ZC3HAV1: variants seen among roughly 807,000 people sequenced by gnomAD.
ZC3HAV1 encodes the protein zinc finger CCCH-type antiviral protein 1.
Under a neutral mutation model 86.6 loss-of-function variants are expected in ZC3HAV1, and 41 were observed. The observed-to-expected ratio is 0.47, with a 90% CI of 0.37 to 0.61. The LOEUF is 0.61. Among genes scored for constraint, ZC3HAV1 ranks in the 20% least tolerant of loss-of-function variants. ZC3HAV1 has a pLI of 0.00. For missense variants in ZC3HAV1, 964 were observed against 1,141.1 expected, an observed-to-expected ratio of 0.84 and a Z score of 2.24; for synonymous variants, 421 against 432.1, an observed-to-expected ratio of 0.97 and a Z score of 0.32.
intron 1 of ZC3HAV1, among the ~76,000 whole-genome samples, chr7:139,098,278 T>C (rs1303753494): frequency 6.6e-6 from 1 of 152,112 alleles, no homozygotes; most frequent in Non-Finnish European, 1.5e-5. Flanking sequence ...TGTATGTAAA[T>C]CATACCTCAA....
At chr7:139,090,308 G>A (rs1043121846) in intron 1 of ZC3HAV1, among the ~76,000 whole-genome samples, 3 of 151,998 alleles carry the variant, frequency 2.0e-5, no homozygotes, top group African/African-American at 7.3e-5. Flanking sequence ...TCCTTAGTGT[G>A]CTTAACTATT....
chr7:139,057,742 G>A lies in ZC3HAV1; in HGVS notation c.2097-2447C>T, dbSNP rs1177933993. 2.3e-4 allele frequency among the ~76,000 whole-genome samples: 7 copies of A among 30,038 alleles called. 2 individuals are homozygous for A. Among genetic ancestry groups the A allele is most frequent in the Non-Finnish European group, 3.7e-4 (6 of 16,142 alleles). 19.7% of individuals were successfully genotyped at this position (30,038 alleles called of 152,430 possible). The stretch of plus-strand genomic sequence containing the variant: ...TTTTTAGTAGAGATGGGGTTTCACC[G>A]TGTTAGCCAGGATGGTCTCGATCTC... On this transcript the variant is annotated intron_variant, in intron 9 of 12. Transcript: ENST00000242351.
At chr7:139,097,428 A>ATATTTTTTTTTTTTTTTTTT in intron 1 of ZC3HAV1, among the ~76,000 whole-genome samples, 2 of 48,158 alleles carry the variant, frequency 4.2e-5, no homozygotes, top group African/African-American at 1.1e-4. Flanking sequence ...ATATATATAT[A>ATATTTTTTTTTTTTTTTTTT]TTTTTTTTTT....
intron 10 of ZC3HAV1, among the ~76,000 whole-genome samples, chr7:139,054,849 G>A (rs1011412049): frequency 2.6e-5 from 4 of 152,104 alleles, no homozygotes; most frequent in African/African-American, 7.2e-5. Flanking sequence ...GTGCAGTGGC[G>A]CGATCTCGGC....
At chr7:139,102,446 G>T (rs528966547) in intron 1 of ZC3HAV1, among the ~76,000 whole-genome samples, 3 of 152,248 alleles carry the variant, frequency 2.0e-5, no homozygotes, top group East Asian at 1.9e-4. Context: ...TTAATAATAA[G>T]AAGATCAATA....
intron 7 of ZC3HAV1, among the ~76,000 whole-genome samples, chr7:139,069,478 A>G (rs913113650): frequency 2.0e-5 from 3 of 152,088 alleles, no homozygotes; most frequent in Non-Finnish European, 4.4e-5. Flanking sequence ...AAGCTTAGCT[A>G]CTTTGCTGGT....
chr7:139,073,752 A>G, intron 7 of ZC3HAV1, 104 bp downstream of exon 7: 28 of 1,215,136 alleles, frequency 2.3e-5, no homozygotes, highest in Non-Finnish European at 3.1e-5. Context: ...CAGCCTCCCA[A>G]AGTGCTGGGC....
intron 4 of ZC3HAV1, among the ~76,000 whole-genome samples, chr7:139,078,855 G>A (rs1409868719): frequency 6.6e-6 from 1 of 152,166 alleles, no homozygotes; most frequent in East Asian, 1.9e-4. Flanking sequence ...TGAAAGCTAT[G>A]TTTATTTCTT....
In ZC3HAV1 at chr7:139,079,745, G is replaced by A. The variant is rs1481596670; in HGVS notation, c.1196C>T (p.Thr399Ile). ...GSLQTPEAVT[T>I]RKGTGLLSSD... ...GGAAAGCAAGCCTGTGCCCTTTCTG[G>A]TGGTCACAGCTTCAGGTGTTTGCAG... Residue 399 changes from threonine (T) to isoleucine (I), a missense_variant, in exon 4 of 13, where the codon ACC (threonine) becomes ATC (isoleucine). Physicochemically the swap from Thr to Ile is moderately conservative, Grantham distance 89 (BLOSUM62 -1). Transcript: ENST00000242351. 4.3e-6 allele frequency: 7 copies of A among 1,614,186 alleles called. No homozygotes were observed. The highest frequency in any genetic ancestry group is 5.9e-6 in the Non-Finnish European group (7 of 1,180,034).
chr7:139,101,362 G>A (rs1817756453), intron 1 of ZC3HAV1, among the ~76,000 whole-genome samples: 1 of 145,572 alleles, frequency 6.9e-6, no homozygotes. Context: ...AGTGAGGAGC[G>A]CCTCTTCCCG....
intron 9 of ZC3HAV1, among the ~76,000 whole-genome samples, chr7:139,056,385 T>G (rs1816282264): frequency 7.1e-6 from 1 of 141,118 alleles, no homozygotes; most frequent in South Asian, 2.3e-4. Flanking sequence ...TATTGTTTTT[T>G]TTTTTTCCTT....
Position 139,064,947 on chromosome 7 carries a change from T to C in ZC3HAV1, c.1925A>G (p.Tyr642Cys). 2 of 1,614,192 alleles carry C rather than the reference T, an allele frequency of 1.2e-6. No homozygotes were observed. The highest frequency in any genetic ancestry group is 1.7e-6 in the Non-Finnish European group (2 of 1,180,036). The part of the protein sequence containing the change: ...NVDSSYLESL[Y>C]QSCPRGVVPF... ...CACAACTCCCCTCGGACAGGATTGA[T>C]AGAGAGACTCCAGGTATGAAGAGTC... is the stretch of plus-strand genomic sequence containing the variant. The change falls in exon 8 of 13, where the codon TAT (tyrosine) becomes TGT (cysteine). Residue 642 changes from tyrosine (Y) to cysteine (C), a missense_variant. Transcript: ENST00000242351.
At chr7:139,085,119 T>C (rs1817237878) in intron 2 of ZC3HAV1, among the ~76,000 whole-genome samples, 1 of 152,166 alleles carries the variant, frequency 6.6e-6, no homozygotes, top group East Asian at 1.9e-4. Flanking sequence ...GAAATGCAAA[T>C]CTTCAGGCAC....
chr7:139,104,744 A>AAAG (rs1817878813), intron 1 of ZC3HAV1, among the ~76,000 whole-genome samples: 1 of 128,982 alleles, frequency 7.8e-6, no homozygotes, highest in Non-Finnish European at 1.6e-5. Context: ...AAAAAAAAAA[A>AAAG]AAGTCAAACA....
chr7:139,074,346 C>A (rs1816872455), intron 6 of ZC3HAV1, among the ~76,000 whole-genome samples: 1 of 152,160 alleles, frequency 6.6e-6, no homozygotes, highest in Non-Finnish European at 1.5e-5. Flanking sequence ...GCATTTGGTC[C>A]ATTTTTAAAA....
chr7:139,081,575 T>C (rs931644043), intron 3 of ZC3HAV1, among the ~76,000 whole-genome samples: 2 of 152,210 alleles, frequency 1.3e-5, no homozygotes, highest in African/African-American at 2.4e-5. Flanking sequence ...TCTGCTACTT[T>C]CTAGTGATGT....
In ZC3HAV1 at chr7:139,076,246, T is replaced by C. The variant is rs78403182; in HGVS notation, c.1697+40A>G. ...TAGCACTAATGCTTCCCTTTGATAA[T>C]GTTGGACTCTTGAAAGCCAGAGTAC... On this transcript the variant is annotated intron_variant, in intron 6 of 12. Transcript: ENST00000242351. The C allele has an allele frequency of 2.8e-3, 4,467 of 1,613,868 alleles. 114 individuals carry two copies. The African/African-American group carries it at 0.052, about 19-fold the overall frequency.
At chr7:139,081,952 A>G (rs1817138631) in intron 3 of ZC3HAV1, among the ~76,000 whole-genome samples, 1 of 152,202 alleles carries the variant, frequency 6.6e-6, no homozygotes, top group Non-Finnish European at 1.5e-5. Context: ...CCATTATATA[A>G]TATGAAAATG....
At position 139,053,446 on chromosome 7, in the gene ZC3HAV1, C is replaced by T; in HGVS notation, c.2449+5G>A. The T allele has an allele frequency of 2.5e-6, 4 of 1,582,662 alleles. No homozygotes were observed. The highest frequency in any genetic ancestry group is 3.4e-6 in the Non-Finnish European group (4 of 1,166,390). On this transcript the variant is annotated splice_donor_5th_base_variant and intron_variant, in intron 12 of 12. Coordinates refer to ENST00000242351, the MANE Select transcript of ZC3HAV1 (RefSeq NM_020119.4). The stretch of plus-strand genomic sequence containing the variant: ...CTAGTTACGCTTCTCTATCCCGGCA[C>T]TAACCTTTTCCGTATTTGTTTTCAT...
Sources: allele counts gnomAD v4.1 joint callset (sites outside exome capture counted in the v4.1 genomes callset), GRCh38; gene constraint gnomAD v4.1.1; transcripts MANE v1.5; gene names NCBI Gene and HGNC (gene_info 2026-07-23, HGNC 2026-07-21).